Variants in SLC14A1 observed in about 807,000 individuals in gnomAD.
SLC14A1 encodes solute carrier family 14 member 1 (Kidd blood group), also known as urea transporter 1.
Under a neutral mutation model 39.6 loss-of-function variants are expected in SLC14A1, and 36 were observed. The ratio of observed to expected loss-of-function variants is 0.91; its 90% CI spans 0.70 to 1.20. The LOEUF (loss-of-function observed/expected upper bound fraction) is 1.20, where lower values mean the gene tolerates loss of function less well. Ranked by LOEUF, SLC14A1 falls within the 50% of genes most tolerant of loss-of-function variation. SLC14A1 has a pLI of 0.00. For missense variants in SLC14A1, 469 were observed against 478.7 expected, an observed-to-expected ratio of 0.98 and a Z score of 0.19; for synonymous variants, 164 against 173.6, an observed-to-expected ratio of 0.94 and a Z score of 0.43.
Position 45,752,164 on chromosome 18 carries a change from C to A in SLC14A1, c.*2213C>A. 1 of 985,308 alleles carries A rather than the reference C, an allele frequency of 1.0e-6. No individual in the cohort carries two copies. Among genetic ancestry groups the A allele is most frequent in the Non-Finnish European group, 1.2e-6 (1 of 829,872 alleles). 61.0% of individuals were successfully genotyped at this position (985,308 alleles called of 1,614,324 possible). On this transcript the variant is annotated 3_prime_UTR_variant, in exon 10 of 10. Coordinates refer to ENST00000321925, the MANE Select transcript of SLC14A1 (RefSeq NM_015865.7). ...CTCAATTTTCAGTGTTTGAACTGAA[C>A]CCTTTCTTGTTAGGGAACGTGTGAA...
At chr18:45,737,002 A>G (rs1047593542) in intron 6 of SLC14A1, among the ~76,000 whole-genome samples, 1 of 152,154 alleles carries the variant, frequency 6.6e-6, no homozygotes, top group Admixed American at 6.5e-5. Flanking sequence ...AATCTTCCAT[A>G]GTCTACTCCC....
At chr18:45,749,670 C>T (rs2047654902) in intron 9 of SLC14A1, 108 bp from the exon 10 acceptor site, 1 of 1,260,402 alleles carries the variant, frequency 7.9e-7, no homozygotes, top group South Asian at 1.2e-5. Context: ...AGCAATGCCC[C>T]CAGTGGTTCA....
chr18:45,742,626 G>A (rs535773098), intron 8 of SLC14A1, among the ~76,000 whole-genome samples: 1 of 151,478 alleles, frequency 6.6e-6, no homozygotes, highest in African/African-American at 2.4e-5. Flanking sequence ...CCAAAGTGCT[G>A]GGATTACAAG....
intron 4 of SLC14A1, among the ~76,000 whole-genome samples, chr18:45,731,855 A>G (rs1029752140): frequency 3.9e-5 from 6 of 152,220 alleles, no homozygotes; most frequent in African/African-American, 1.4e-4. Context: ...GGGAACCAGT[A>G]TTCCAGGTGT....
At chr18:45,735,347 G>T (rs1447448730) in intron 5 of SLC14A1, among the ~76,000 whole-genome samples, 1 of 152,206 alleles carries the variant, frequency 6.6e-6, no homozygotes, top group Non-Finnish European at 1.5e-5. Flanking sequence ...CCGAGAATTT[G>T]CGTTTCTAAC....
chr18:45,749,611 A>G (rs1012912772), intron 9 of SLC14A1, among the ~76,000 whole-genome samples, 167 bp from the exon 10 acceptor site: 25 of 152,136 alleles, frequency 1.6e-4, no homozygotes, highest in African/African-American at 5.3e-4. Flanking sequence ...CAACAACTCA[A>G]TGCCCTGAGA....
rs562986926 is a variant in SLC14A1, at chr18:45,731,132, C to G, written c.269C>G (p.Pro90Arg). The G allele has an allele frequency of 1.2e-5, 20 of 1,614,144 alleles. No homozygotes were observed. In the South Asian group the frequency reaches 2.0e-4, roughly 16 times the overall value. The change falls in exon 4 of 10, where the codon CCC (proline) becomes CGC (arginine). Residue 90 changes from proline (P) to arginine (R), a missense_variant. Pro to Arg is a moderately radical substitution (Grantham distance 103). Coordinates refer to ENST00000321925, the MANE Select transcript of SLC14A1 (RefSeq NM_015865.7). The part of the protein sequence containing the change: ...LILVGLLVQN[P>R]WWALTGWLGT... ...CTGGTAGGACTTCTTGTTCAGAACC[C>G]CTGGTGGGCTCTCACTGGCTGGCTG...
At chr18:45,725,044 G>T (rs562103302) in intron 2 of SLC14A1, 31 bp downstream of exon 2, 3 of 152,180 alleles carry the variant, frequency 2.0e-5, no homozygotes, top group Non-Finnish European at 4.4e-5. Flanking sequence ...AATGCTGAAA[G>T]TCTCTTTATT....
rs17847478 is a variant in SLC14A1 at position 45,730,578 on chromosome 18, G to C, written c.151+107G>C. On this transcript the variant is annotated intron_variant, in intron 3 of 9. Coordinates refer to ENST00000321925, the MANE Select transcript of SLC14A1 (RefSeq NM_015865.7). ...TAGTTATATTCTCCAACTTTTTATA[G>C]ATCTCTTTACTCACCATTTTTCTAC... 48 of 1,245,204 alleles carry C rather than the reference G, an allele frequency of 3.9e-5. No individual in the cohort carries two copies. In the East Asian group the frequency reaches 1.1e-3, roughly 29 times the overall value. 77.1% of individuals were successfully genotyped at this position (1,245,204 alleles called of 1,614,324 possible).
chr18:45,747,334 AG>A (rs1340240487), intron 8 of SLC14A1: 1 of 152,200 alleles, frequency 6.6e-6, no homozygotes, highest in Non-Finnish European at 1.5e-5. Context: ...TTACACTGAA[AG>A]TCACCCATAT....
intron 2 of SLC14A1, chr18:45,726,954 C>G (rs1238062932): frequency 3.9e-6 from 1 of 256,524 alleles, no homozygotes; most frequent in Non-Finnish European, 7.8e-6. Flanking sequence ...AGCAGAGACA[C>G]GCAGCAGAAC....
chr18:45,730,076 G>A, intron 2 of SLC14A1: 1 of 461,856 alleles, frequency 2.2e-6, no homozygotes, highest in East Asian at 3.2e-5. Context: ...TGAAATTAAA[G>A]ACCAGAACAT....
rs552191196 is a variant in SLC14A1, at chr18:45,731,053, C to T, written c.190C>T (p.Arg64Trp). Residue 64 changes from arginine (R) to tryptophan (W), a missense_variant, in exon 4 of 10, where the codon CGG (arginine) becomes TGG (tryptophan). Physicochemically the swap from Arg to Trp is moderately radical, Grantham distance 101. Coordinates refer to ENST00000321925, the MANE Select transcript of SLC14A1 (RefSeq NM_015865.7). Reference sequence around the variant, plus strand: ...GCTCCAGTTCATTGACTGGATTCTCCGGGGCATATCCCAAGTGGTGTTCGT... The same window carrying T: ...GCTCCAGTTCATTGACTGGATTCTCTGGGGCATATCCCAAGTGGTGTTCGT... Reference protein sequence around the residue: ...VVLQFIDWILRGISQVVFVNN... With the variant: ...VVLQFIDWILWGISQVVFVNN... 7.4e-6 allele frequency: 12 copies of T among 1,614,124 alleles called. No individual in the cohort carries two copies. Among genetic ancestry groups the T allele is most frequent in the Admixed American group, 3.3e-5 (2 of 60,016 alleles).
intron 8 of SLC14A1, among the ~76,000 whole-genome samples, chr18:45,742,533 T>G (rs1374824665): frequency 1.3e-5 from 2 of 151,852 alleles, no homozygotes; most frequent in Admixed American, 6.6e-5. Flanking sequence ...CTAATTTTTG[T>G]ATTTTTAGTA....
At chr18:45,739,762 G>T in intron 8 of SLC14A1, 100 bp downstream of exon 8, 1 of 1,536,140 alleles carries the variant, frequency 6.5e-7, no homozygotes, top group Non-Finnish European at 8.9e-7. Flanking sequence ...CAGGGCCAGG[G>T]TTCTGGCTTG....
intron 6 of SLC14A1, among the ~76,000 whole-genome samples, chr18:45,738,329 A>T (rs980006588): frequency 6.6e-6 from 1 of 152,210 alleles, no homozygotes; most frequent in Non-Finnish European, 1.5e-5. Context: ...CTTGCTCAAA[A>T]GGGACATGCT....
At chr18:45,735,474 C>A (rs1313110712) in intron 5 of SLC14A1, among the ~76,000 whole-genome samples, 7 of 151,968 alleles carry the variant, frequency 4.6e-5, no homozygotes, top group Non-Finnish European at 4.4e-5. Context: ...TTTTTCAAAC[C>A]CAAATCCTTC....
In SLC14A1 at chr18:45,730,257, G is replaced by A. The variant is rs766176200; in HGVS notation, c.-21-43G>A. 2.6e-5 allele frequency: 41 copies of A among 1,577,192 alleles called. No homozygotes were observed. The Admixed American group carries it at 6.2e-4, about 24-fold the overall frequency. ...GGCCCAAAGCTGGCTAATCTGGAGGGCTCTGCCTTAGGGATACTTATAAGC... is the reference window on the plus strand; with the variant it reads ...GGCCCAAAGCTGGCTAATCTGGAGGACTCTGCCTTAGGGATACTTATAAGC... On this transcript the variant is annotated intron_variant, in intron 2 of 9. Coordinates refer to ENST00000321925, the MANE Select transcript of SLC14A1 (RefSeq NM_015865.7).
intron 8 of SLC14A1, among the ~76,000 whole-genome samples, chr18:45,742,101 G>C (rs547593954): frequency 6.6e-6 from 1 of 152,220 alleles, no homozygotes; most frequent in East Asian, 1.9e-4. Context: ...AGAAGAAGAA[G>C]TCCATAGTAC....
Sources: allele counts gnomAD v4.1 joint callset (sites outside exome capture counted in the v4.1 genomes callset), GRCh38; gene constraint gnomAD v4.1.1; transcripts MANE v1.5; gene names NCBI Gene and HGNC (gene_info 2026-07-23, HGNC 2026-07-21).